PEAK3: variants seen among roughly 807,000 people sequenced by gnomAD.
The protein encoded by PEAK3 is PEAK family member 3.
A neutral mutation model predicts 13.3 loss-of-function variants in PEAK3; 15 were observed. The observed-to-expected ratio is 1.13, with a 90% CI of 0.75 to 1.73. The LOEUF is 1.73. Among genes scored for constraint, PEAK3 ranks in the 40% most tolerant of loss-of-function variants. PEAK3 has a pLI of 0.00. For synonymous variants in PEAK3, 347 were observed against 341.9 expected, an observed-to-expected ratio of 1.01 and a Z score of -0.17; for missense variants, 739 against 690.2, an observed-to-expected ratio of 1.07 and a Z score of -0.79.
chr19:2,275,916 G>A lies in PEAK3; in HGVS notation c.1186C>T (p.Gln396Ter). 7.3e-7 allele frequency: 1 copy of A among 1,376,416 alleles called. No individual in the cohort carries two copies. The highest frequency in any genetic ancestry group is 9.3e-7 in the Non-Finnish European group (1 of 1,072,576). 85.3% of individuals were successfully genotyped at this position (1,376,416 alleles called of 1,614,324 possible). The change falls in exon 4 of 4, where the codon CAG becomes TAG. Residue 396 changes from glutamine to a stop codon, truncating the protein, a stop_gained. Transcript: ENST00000342063. LOFTEE classifies it low-confidence loss of function (END_TRUNC). Reference protein sequence around the residue: ...PSASRTRGALQALLWGPGPEL... With the variant: ...PSASRTRGAL Reference sequence around the variant, plus strand: ...GGCCCGGGCCCCCAGAGCAGCGCCTGCAGCGCGCCCCGCGTCCGGGACGCC... The same window carrying A: ...GGCCCGGGCCCCCAGAGCAGCGCCTACAGCGCGCCCCGCGTCCGGGACGCC...
intron 3 of PEAK3, among the ~76,000 whole-genome samples, chr19:2,277,508 A>G (rs2025401287): frequency 6.6e-6 from 1 of 151,974 alleles, no homozygotes; most frequent in Non-Finnish European, 1.5e-5. Flanking sequence ...TTTTCTCTAT[A>G]AATTACCCAG....
Position 2,275,624 on chromosome 19 carries a change from C to G in PEAK3, c.*56G>C, listed in dbSNP as rs995123521. On this transcript the variant is annotated 3_prime_UTR_variant, in exon 4 of 4. Transcript: ENST00000342063. ...GCTATCATGGAGACGCTGACCTCAG[C>G]CCCAGCCCTGCCTCCTGGGCAGGCC... 4.5e-6 allele frequency: 6 copies of G among 1,345,840 alleles called. No homozygotes were observed. The highest frequency in any genetic ancestry group is 4.8e-6 in the Non-Finnish European group (5 of 1,040,892). The allele number at this position is 1,345,840 out of a possible 1,614,324, so 83.4% of individuals were successfully genotyped here.
chr19:2,279,053 A>G lies in PEAK3; in HGVS notation c.143T>C (p.Leu48Pro), dbSNP rs2025418624. ...KACRLRTPGS[L>P]STNPEPLPPP... ...GGGCAGGGGCTCTGGGTTGGTGGAGAGGGACCCAGGGGTCCGGAGGCGGCA... is the reference window on the plus strand; with the variant it reads ...GGGCAGGGGCTCTGGGTTGGTGGAGGGGGACCCAGGGGTCCGGAGGCGGCA... The change falls in exon 3 of 4, where the codon CTC becomes CCC. Residue 48 changes from leucine to proline, a missense_variant. By Grantham distance (98) the Leu-to-Pro change is moderately conservative. Coordinates refer to ENST00000342063, the MANE Select transcript of PEAK3 (RefSeq NM_198532.3). 6.7e-7 allele frequency: 1 copy of G among 1,492,984 alleles called. No homozygotes were observed. The highest frequency in any genetic ancestry group is 9.0e-7 in the Non-Finnish European group (1 of 1,115,698). The allele number at this position is 1,492,984 out of a possible 1,614,324, so 92.5% of individuals were successfully genotyped here.
Position 2,275,480 on chromosome 19 carries a change from G to GCCCCA in PEAK3, c.*199_*200insTGGGG. On this transcript the variant is annotated 3_prime_UTR_variant, in exon 4 of 4. Coordinates refer to ENST00000342063, the MANE Select transcript of PEAK3 (RefSeq NM_198532.3). ...CGCTGGCCAGCCCCCAGCCCTGGAG[G>GCCCCA]GGCAGCTGCATTCCTGGGAAGCCCT... 1 of 436,336 alleles carries GCCCCA rather than the reference G, an allele frequency of 2.3e-6. No individual in the cohort carries two copies. Among genetic ancestry groups the GCCCCA allele is most frequent in the South Asian group, 8.7e-5 (1 of 11,442 alleles). The allele number at this position is 436,336 out of a possible 1,614,324, so 27.0% of individuals were successfully genotyped here. A position where few individuals can be genotyped will look rare whatever the true frequency, so the allele number is the denominator to read the frequency against.
rs762869269 is a variant in PEAK3, at chr19:2,279,015, TGGGCAGGGGTGG to T, written c.169_180del (p.Pro57_Pro60del). The T allele has an allele frequency of 4.1e-6, 6 of 1,457,552 alleles. No homozygotes were observed. In the East Asian group the frequency reaches 1.5e-4, roughly 36 times the overall value. The allele number at this position is 1,457,552 out of a possible 1,614,324, so 90.3% of individuals were successfully genotyped here. ...GACTGGGTCCGGGTTAGGATCTTCT[TGGGCAGGGGTGG>T]GGGCAGGGGCTCTGGGTTGGTGGAG... On this transcript the variant is annotated inframe_deletion, in exon 3 of 4. Transcript: ENST00000342063.
chr19:2,278,773 C>T lies in PEAK3; in HGVS notation c.423G>A (p.Arg141=). ...PEAVHTALAA[R]QLQGLRTIYA... is the part of the protein sequence containing the mutation. ...AGATGGTACGGAGGCCCTGCAGCTG[C>T]CGCGCAGCCAGTGCAGTGTGCACAG... The change falls in exon 3 of 4, where the codon CGG becomes CGA. Residue 141 remains arginine, a synonymous_variant. Transcript: ENST00000342063. 1 of 1,561,584 alleles carries T rather than the reference C, an allele frequency of 6.4e-7. No individual in the cohort carries two copies. Among genetic ancestry groups the T allele is most frequent in the African/African-American group, 1.4e-5 (1 of 73,710 alleles).
Position 2,275,634 on chromosome 19 carries a change from G to A in PEAK3, c.*46C>T. 1 of 1,365,602 alleles carries A rather than the reference G, an allele frequency of 7.3e-7. No homozygotes were observed. The highest frequency in any genetic ancestry group is 9.5e-7 in the Non-Finnish European group (1 of 1,053,578). 84.6% of individuals were successfully genotyped at this position (1,365,602 alleles called of 1,614,324 possible). A position where few individuals can be genotyped will look rare whatever the true frequency, so the allele number is the denominator to read the frequency against. On this transcript the variant is annotated 3_prime_UTR_variant, in exon 4 of 4. Coordinates refer to ENST00000342063, the MANE Select transcript of PEAK3 (RefSeq NM_198532.3). ...AGACGCTGACCTCAGCCCCAGCCCT[G>A]CCTCCTGGGCAGGCCTGGACCAGGT...
Position 2,278,664 on chromosome 19 carries a change from G to C in PEAK3, c.532C>G (p.Pro178Ala). The part of the protein sequence containing the change: ...GHSFRLLDSS[P>A]CAESGDALYY... Reference sequence around the variant, plus strand: ...AGGGCGTCCCCGCTCTCTGCGCAGGGTGAGCTGTCTAGGAGGCGGAAGCTG... The same window carrying C: ...AGGGCGTCCCCGCTCTCTGCGCAGGCTGAGCTGTCTAGGAGGCGGAAGCTG... The change falls in exon 3 of 4, where the codon CCC becomes GCC. Residue 178 changes from proline (P) to alanine (A), a missense_variant. Transcript: ENST00000342063. 3 of 1,516,328 alleles carry C rather than the reference G, an allele frequency of 2.0e-6. No individual in the cohort carries two copies. Among genetic ancestry groups the C allele is most frequent in the Non-Finnish European group, 2.6e-6 (3 of 1,132,326 alleles). 93.9% of individuals were successfully genotyped at this position (1,516,328 alleles called of 1,614,324 possible).
At chr19:2,280,418 C>T (rs2025428891) in intron 2 of PEAK3, among the ~76,000 whole-genome samples, 1 of 152,086 alleles carries the variant, frequency 6.6e-6, no homozygotes, top group Non-Finnish European at 1.5e-5. Flanking sequence ...TTTCATGGCT[C>T]ACTGCAGCCT....
chr19:2,279,452 C>T (rs1317751696), intron 2 of PEAK3, among the ~76,000 whole-genome samples: 5 of 152,060 alleles, frequency 3.3e-5, no homozygotes, highest in East Asian at 1.9e-4. Context: ...GTCAGGAGAT[C>T]GAGACCATCC....
At chr19:2,280,629 C>T (rs1273852224) in intron 2 of PEAK3, among the ~76,000 whole-genome samples, 1 of 152,158 alleles carries the variant, frequency 6.6e-6, no homozygotes, top group Non-Finnish European at 1.5e-5. Context: ...GGATTACAGG[C>T]GTGAGCCACC....
At chr19:2,280,964 G>GA (rs755396539) in intron 1 of PEAK3, 29 bp from the exon 2 acceptor site, 3 of 1,440,508 alleles carry the variant, frequency 2.1e-6, no homozygotes, top group Non-Finnish European at 2.8e-6. Flanking sequence ...GGGCGTGTGT[G>GA]GGGTGACCGT....
Position 2,278,713 on chromosome 19 carries a change from G to C in PEAK3, c.483C>G (p.His161Gln). ...TGTGGCCGGGGTGGCAGGGCCCGGG[G>C]TGGCCCCCCATGAGCCGGGCACGGA... ...ARLRARLMGG[H>Q]PGPCHPGHSF... The change falls in exon 3 of 4, where the codon CAC becomes CAG. Residue 161 changes from histidine to glutamine, a missense_variant. Coordinates refer to ENST00000342063, the MANE Select transcript of PEAK3 (RefSeq NM_198532.3). 1.3e-6 allele frequency: 2 copies of C among 1,532,430 alleles called. No homozygotes were observed. Among genetic ancestry groups the C allele is most frequent in the Non-Finnish European group, 1.8e-6 (2 of 1,138,616 alleles). The allele number at this position is 1,532,430 out of a possible 1,614,324, so 94.9% of individuals were successfully genotyped here.
chr19:2,274,948 A>AAAAG lies in PEAK3; in HGVS notation c.*731_*732insCTTT, dbSNP rs2025369966. The AAAAG allele has an allele frequency of 3.6e-5, 5 of 139,576 alleles. No individual in the cohort carries two copies. Among genetic ancestry groups the AAAAG allele is most frequent in the Admixed American group, 2.2e-4 (3 of 13,950 alleles). The allele number at this position is 139,576 out of a possible 1,614,324, so 8.6% of individuals were successfully genotyped here. ...GATCGTCTCAAAAAAAAAAAAAAAA[A>AAAAG]AAAAAGAAAAAGAAAGTGGAACTGG... On this transcript the variant is annotated 3_prime_UTR_variant, in exon 4 of 4. Coordinates refer to ENST00000342063, the MANE Select transcript of PEAK3 (RefSeq NM_198532.3).
At chr19:2,281,921 G>T (rs566591355) in intron 1 of PEAK3, among the ~76,000 whole-genome samples, 166 bp downstream of exon 1, 1 of 152,106 alleles carries the variant, frequency 6.6e-6, no homozygotes, top group Non-Finnish European at 1.5e-5. Context: ...GGTCAGTTGC[G>T]GGGGAGACAG....
intron 1 of PEAK3, among the ~76,000 whole-genome samples, 151 bp downstream of exon 1, chr19:2,281,936 C>T (rs922938475): frequency 1.3e-5 from 2 of 152,098 alleles, no homozygotes; most frequent in Admixed American, 6.5e-5. Context: ...AGACAGTGTC[C>T]AGGGACCCAG....
At position 2,279,003 on chromosome 19, in the gene PEAK3, T is replaced by G. The variant is rs1024541882; in HGVS notation, c.193A>C (p.Thr65Pro). 4 of 1,574,118 alleles carry G rather than the reference T, an allele frequency of 2.5e-6. No homozygotes were observed. Among genetic ancestry groups the G allele is most frequent in the Non-Finnish European group, 3.5e-6 (4 of 1,154,470 alleles). Residue 65 changes from threonine (T) to proline (P), a missense_variant, in exon 3 of 4, where the codon ACC becomes CCC. Transcript: ENST00000342063. ...CGGGTGGGCAGTGACTGGGTCCGGG[T>G]TAGGATCTTCTTGGGCAGGGGTGGG... is the stretch of plus-strand genomic sequence containing the variant. The part of the protein sequence containing the change: ...LPPPLPKKIL[T>P]RTQSLPTRRT...
In PEAK3 at chr19:2,278,990, G is replaced by C; in HGVS notation, c.206C>G (p.Ser69Ter). The C allele has an allele frequency of 6.3e-7, 1 of 1,589,130 alleles. No individual in the cohort carries two copies. The highest frequency in any genetic ancestry group is 2.3e-5 in the East Asian group (1 of 44,204). The change falls in exon 3 of 4, where the codon TCA (serine) becomes TGA (stop). Residue 69 changes from serine (S) to a stop codon, truncating the protein, a stop_gained. Transcript: ENST00000342063. LOFTEE classifies it high-confidence loss of function. ...ATGGAGGGTCCTGCGGGTGGGCAGTGACTGGGTCCGGGTTAGGATCTTCTT... is the reference window on the plus strand; with the variant it reads ...ATGGAGGGTCCTGCGGGTGGGCAGTCACTGGGTCCGGGTTAGGATCTTCTT... ...LPKKILTRTQ[S>*]LPTRRTLHPS...
chr19:2,278,846 G>T lies in PEAK3; in HGVS notation c.350C>A (p.Ala117Asp). ...GAGGGAGAGGCCCAGTGGGGCGTCA[G>T]CCGGGCCAAAGGTCAGCTCTGCAGG... ...CLPAELTFGPADAPLGLSLRD... is the reference protein window; with the variant it reads ...CLPAELTFGPDDAPLGLSLRD... The change falls in exon 3 of 4, where the codon GCT becomes GAT. Residue 117 changes from alanine (A) to aspartate (D), a missense_variant. Physicochemically the swap from Ala to Asp is moderately radical, Grantham distance 126. Transcript: ENST00000342063. 6.3e-7 allele frequency: 1 copy of T among 1,597,636 alleles called. No homozygotes were observed. The highest frequency in any genetic ancestry group is 2.3e-5 in the East Asian group (1 of 44,068).
Sources: allele counts gnomAD v4.1 joint callset (sites outside exome capture counted in the v4.1 genomes callset), GRCh38; gene constraint gnomAD v4.1.1; transcripts MANE v1.5; gene names NCBI Gene and HGNC (gene_info 2026-07-23, HGNC 2026-07-21).